CHM: variants seen among roughly 807,000 people sequenced by gnomAD.
CHM encodes CHM Rab escort protein, also known as rab proteins geranylgeranyltransferase component A 1.
In CHM, 10 loss-of-function variants were observed where a neutral mutation model predicts 49.0. That is an observed-to-expected ratio of 0.20 (90% CI 0.13 to 0.35). The LOEUF (loss-of-function observed/expected upper bound fraction) is 0.35, where lower values mean the gene tolerates loss of function less well. Ranked by LOEUF, CHM falls within the 10% of genes least tolerant of loss-of-function variation. The pLI, the probability that CHM is intolerant of heterozygous loss-of-function variation, is 1.00. For missense variants in CHM, 455 were observed against 478.4 expected (o/e 0.95, Z 0.46); for synonymous variants, 184 against 167.5 (o/e 1.10, Z -0.76).
chrX:86,030,649 T>G, intron 1 of CHM, among the ~76,000 whole-genome samples: 1 of 110,829 alleles, frequency 9.0e-6, no homozygotes, highest in Non-Finnish European at 1.9e-5. Context: ...TTTAAAACTG[T>G]GATAGAAACA....
chrX:85,901,070 G>A lies in CHM; in HGVS notation c.1349+14C>T, dbSNP rs371436744. On this transcript the variant is annotated intron_variant, in intron 10 of 14. Transcript: ENST00000357749. ...AAATTACCTTCGCTTGCTAATGGGT[G>A]GAGGGGGCCTTACCTGTATTGCACA... is the stretch of plus-strand genomic sequence containing the variant. 6.7e-5 allele frequency: 75 copies of A among 1,112,585 alleles called. No individual in the cohort carries two copies. Among genetic ancestry groups the A allele is most frequent in the African/African-American group, 2.0e-4 (11 of 55,253 alleles). The allele number at this position is 1,112,585 out of a possible 1,213,427, so 91.7% of individuals were successfully genotyped here. A position where few individuals can be genotyped will look rare whatever the true frequency, so the allele number is the denominator to read the frequency against.
At chrX:85,952,786 G>A (rs772710858) in intron 8 of CHM, among the ~76,000 whole-genome samples, 9 of 113,212 alleles carry the variant, frequency 7.9e-5, no homozygotes, top group Non-Finnish European at 1.5e-4. Context: ...CGAGGCCTAG[G>A]CTCTTAGAAA....
intron 2 of CHM, among the ~76,000 whole-genome samples, chrX:85,990,532 G>T (rs1035200564): frequency 9.0e-6 from 1 of 111,277 alleles, no homozygotes. Context: ...TGAAAGCTTC[G>T]CATAGCTTAT....
chrX:85,975,379 A>T (rs1931195235), intron 4 of CHM, among the ~76,000 whole-genome samples: 1 of 112,340 alleles, frequency 8.9e-6, no homozygotes, highest in Non-Finnish European at 1.9e-5. Context: ...TATTTGTAAT[A>T]GCAAAAACTA....
At chrX:85,975,986 TAC>T (rs1931233880) in intron 4 of CHM, among the ~76,000 whole-genome samples, 1 of 112,351 alleles carries the variant, frequency 8.9e-6, no homozygotes, top group African/African-American at 3.2e-5. Flanking sequence ...TACTCTTACT[TAC>T]TCAAGAGGAA....
intron 2 of CHM, among the ~76,000 whole-genome samples, chrX:86,007,770 A>G (rs1414984104): frequency 8.9e-6 from 1 of 112,365 alleles, no homozygotes; most frequent in African/African-American, 3.2e-5. Context: ...GAAGCTGGAG[A>G]GGATGTGGAG....
intron 9 of CHM, among the ~76,000 whole-genome samples, chrX:85,902,743 T>C (rs1224223686): frequency 8.9e-6 from 1 of 111,900 alleles, no homozygotes; most frequent in Admixed American, 9.5e-5. Flanking sequence ...AAAACACTCA[T>C]ATACCATTTG....
At chrX:85,926,370 G>A (rs1021211070) in intron 8 of CHM, among the ~76,000 whole-genome samples, 3 of 111,270 alleles carry the variant, frequency 2.7e-5, no homozygotes, top group Non-Finnish European at 3.8e-5. Flanking sequence ...GCTCCCCCTT[G>A]TTCATACCTT....
intron 8 of CHM, among the ~76,000 whole-genome samples, chrX:85,924,790 T>G (rs1283041674): frequency 8.9e-6 from 1 of 111,827 alleles, no homozygotes; most frequent in Non-Finnish European, 1.9e-5. Flanking sequence ...TGTGGGCAGA[T>G]GGACTGCCCT....
intron 4 of CHM, among the ~76,000 whole-genome samples, chrX:85,967,451 TAACA>T (rs1275772534): frequency 2.7e-5 from 3 of 111,928 alleles, no homozygotes; most frequent in Non-Finnish European, 5.6e-5. Context: ...ACAATGATTT[TAACA>T]TACACAGGTG....
intron 10 of CHM, 29 bp downstream of exon 10, chrX:85,901,055 C>T (rs1433770834): frequency 6.0e-6 from 6 of 1,001,445 alleles, no homozygotes; most frequent in South Asian, 2.0e-5. Context: ...AAATTACCTT[C>T]GCTTGCTAAT....
chrX:86,011,554 T>A (rs1204092118), intron 2 of CHM, among the ~76,000 whole-genome samples: 1 of 111,692 alleles, frequency 9.0e-6, no homozygotes, highest in Admixed American at 9.5e-5. Flanking sequence ...ACAGGAACCC[T>A]CAATTCTAGA....
intron 12 of CHM, among the ~76,000 whole-genome samples, chrX:85,885,374 C>T (rs757484940): frequency 2.7e-5 from 3 of 109,756 alleles, no homozygotes; most frequent in African/African-American, 9.9e-5. Context: ...CTAGATTAGA[C>T]ATAAATGAAA....
chrX:86,005,804 A>G (rs140943995), intron 2 of CHM, among the ~76,000 whole-genome samples: 4,604 of 111,603 alleles, frequency 0.041, 250 homozygotes, highest in African/African-American at 0.14. Flanking sequence ...CCAGGACCAG[A>G]TGGATTCACA....
At chrX:85,975,768 C>G (rs145772681) in intron 4 of CHM, among the ~76,000 whole-genome samples, 199 of 111,904 alleles carry the variant, frequency 1.8e-3, no homozygotes, top group African/African-American at 6.1e-3. Context: ...ATACATGAAC[C>G]CACAAATGTG....
chrX:85,958,222 A>G (rs1027100451), intron 6 of CHM, among the ~76,000 whole-genome samples: 9 of 112,201 alleles, frequency 8.0e-5, no homozygotes, highest in Non-Finnish European at 1.7e-4. Flanking sequence ...TCATCCTAAC[A>G]GAGAAAAATT....
chrX:85,953,833 C>T (rs1030648235), intron 8 of CHM, among the ~76,000 whole-genome samples: 6 of 111,864 alleles, frequency 5.4e-5, no homozygotes, highest in African/African-American at 9.7e-5. Context: ...AAGAAAACAT[C>T]GGAGAAAACC....
chrX:85,872,504 G>A (rs1420660755), intron 14 of CHM, among the ~76,000 whole-genome samples: 2 of 111,365 alleles, frequency 1.8e-5, no homozygotes, highest in Non-Finnish European at 3.8e-5. Flanking sequence ...CTCAGCAGCA[G>A]TAATGGTAGC....
rs376129971 is a variant in CHM, at chrX:85,901,074, G to A, written c.1349+10C>T. ...TACCTTCGCTTGCTAATGGGTGGAG[G>A]GGGCCTTACCTGTATTGCACACGTG... On this transcript the variant is annotated intron_variant, in intron 10 of 14. Coordinates refer to ENST00000357749, the MANE Select transcript of CHM (RefSeq NM_000390.4). The A allele has an allele frequency of 4.5e-4, 515 of 1,132,610 alleles. No individual in the cohort carries two copies. The highest frequency in any genetic ancestry group is 4.8e-4 in the Middle Eastern group (2 of 4,182). 93.3% of individuals were successfully genotyped at this position (1,132,610 alleles called of 1,213,427 possible). A position where few individuals can be genotyped will look rare whatever the true frequency, so the allele number is the denominator to read the frequency against.
Sources: allele counts gnomAD v4.1 joint callset (sites outside exome capture counted in the v4.1 genomes callset), GRCh38; gene constraint gnomAD v4.1.1; transcripts MANE v1.5; gene names NCBI Gene and HGNC (gene_info 2026-07-23, HGNC 2026-07-21).